The following EML1 variants were observed in gnomAD, a reference collection of about 807,000 sequenced individuals.
EML1 encodes echinoderm microtubule-associated protein-like 1.
In EML1, 27 loss-of-function variants were observed where a neutral mutation model predicts 110.4. The observed-to-expected ratio is 0.24, with a 90% CI of 0.18 to 0.34. The LOEUF (loss-of-function observed/expected upper bound fraction) is 0.34. EML1 is among the 10% of genes least tolerant of loss of function. The probability of loss-of-function intolerance (pLI) is 1.00; values close to 1 mark genes in which losing one functional copy is unlikely to be tolerated. For missense variants in EML1, 741 were observed against 1,030.9 expected, an observed-to-expected ratio of 0.72 and a Z score of 3.85; for synonymous variants, 344 against 385.8, an observed-to-expected ratio of 0.89 and a Z score of 1.27.
chr14:99,882,396 A>G (rs1360984287), intron 4 of EML1, among the ~76,000 whole-genome samples: 2 of 152,226 alleles, frequency 1.3e-5, no homozygotes, highest in Non-Finnish European at 2.9e-5. Context: ...CCCCTTTTGT[A>G]AGTCTTAAGG....
At chr14:99,832,522 A>C (rs2058474973) in intron 1 of EML1, among the ~76,000 whole-genome samples, 1 of 152,190 alleles carries the variant, frequency 6.6e-6, no homozygotes, top group South Asian at 2.1e-4. Flanking sequence ...ATGCTCACCA[A>C]AACTTGGTGT....
chr14:99,746,826 G>C (rs193013055), intron 1 of EML1, among the ~76,000 whole-genome samples: 1 of 152,116 alleles, frequency 6.6e-6, no homozygotes, highest in African/African-American at 2.4e-5. Flanking sequence ...CCCACCCCTC[G>C]AGCAGGGCTC....
intron 4 of EML1, among the ~76,000 whole-genome samples, chr14:99,887,798 G>A (rs1313254387): frequency 2.0e-5 from 3 of 152,194 alleles, no homozygotes; most frequent in Admixed American, 6.5e-5. Flanking sequence ...TACAGCTCCC[G>A]TCAACAGACT....
intron 1 of EML1, among the ~76,000 whole-genome samples, chr14:99,765,761 C>T (rs1240438429): frequency 5.9e-5 from 9 of 151,824 alleles, no homozygotes; most frequent in Non-Finnish European, 1.2e-4. Flanking sequence ...TGCACCACCA[C>T]GCCTGGCTAA....
chr14:99,939,866 G>A lies in EML1; in HGVS notation c.2323-121G>A. 7 of 1,283,480 alleles carry A rather than the reference G, an allele frequency of 5.5e-6. No homozygotes were observed. The highest frequency in any genetic ancestry group is 7.3e-6 in the Non-Finnish European group (7 of 960,256). 79.5% of individuals were successfully genotyped at this position (1,283,480 alleles called of 1,614,324 possible). On this transcript the variant is annotated intron_variant, in intron 21 of 21. Transcript: ENST00000262233. The surrounding 1 kb of genome is among the most constrained non-coding windows in gnomAD (Gnocchi z 4.2). ...ACACACAGAGCAGGTTCCCAAGTGA[G>A]AGCTGCCGAGCGGAGGGCGAGTAAA...
At position 99,850,980 on chromosome 14, in the gene EML1, G is replaced by C; in HGVS notation, c.195G>C (p.Arg65=). 1.2e-6 allele frequency: 2 copies of C among 1,614,160 alleles called. No individual in the cohort carries two copies. The highest frequency in any genetic ancestry group is 1.7e-6 in the Non-Finnish European group (2 of 1,180,024). ...CAGCTCTAGCTGATGTGGTTCGGCGGCTGAACATTACTGAGGAACAGCAGG... is the reference window on the plus strand; with the variant it reads ...CAGCTCTAGCTGATGTGGTTCGGCGCCTGAACATTACTGAGGAACAGCAGG... ...LKSALADVVR[R]LNITEEQQAV... The change falls in exon 2 of 22, where the codon CGG becomes CGC. Residue 65 remains arginine (R), a synonymous_variant. Coordinates refer to ENST00000262233, the MANE Select transcript of EML1 (RefSeq NM_004434.3).
chr14:99,871,517 G>GAA (rs78957951), intron 3 of EML1, among the ~76,000 whole-genome samples: 2 of 125,594 alleles, frequency 1.6e-5, no homozygotes, highest in South Asian at 2.5e-4. Flanking sequence ...TGTCTCAAAG[G>GAA]AAAAAAAAAA....
At chr14:99,895,672 GATAGAAAA>G (rs1283176997) in intron 6 of EML1, among the ~76,000 whole-genome samples, 4 of 151,662 alleles carry the variant, frequency 2.6e-5, no homozygotes, top group Non-Finnish European at 2.9e-5. Flanking sequence ...CTGAAGGGAT[GATAGAAAA>G]ATATGAATAC....
rs965062958 is a variant in EML1, at chr14:99,746,434, G to A, written c.28+8574G>A. On this transcript the variant is annotated intron_variant, in intron 1 of 10. Transcript: ENST00000554479. Reference sequence around the variant, plus strand: ...AGCCTGGATGGAGGCTTGGCCCTGAGCCCAGCTATGTGGCGGAAGCACTAG... The same window carrying A: ...AGCCTGGATGGAGGCTTGGCCCTGAACCCAGCTATGTGGCGGAAGCACTAG... 3.3e-5 allele frequency among the ~76,000 whole-genome samples: 5 copies of A among 152,322 alleles called. 1 individual carries two copies. In the South Asian group the frequency reaches 1.0e-3, roughly 32 times the overall value.
intron 14 of EML1, 63 bp from the exon 15 acceptor site, chr14:99,914,503 T>C: frequency 6.5e-7 from 1 of 1,548,840 alleles, no homozygotes; most frequent in Non-Finnish European, 8.7e-7. Context: ...CGTCATCCCT[T>C]ACGGCTCCTG....
intron 1 of EML1, among the ~76,000 whole-genome samples, chr14:99,744,213 A>G (rs763803986): frequency 2.6e-5 from 4 of 152,110 alleles, no homozygotes; most frequent in Admixed American, 2.6e-4. Flanking sequence ...CAATACCACA[A>G]AGGTACACTT....
intron 5 of EML1, among the ~76,000 whole-genome samples, chr14:99,893,415 G>A (rs2059620681): frequency 6.6e-6 from 1 of 152,158 alleles, no homozygotes; most frequent in African/African-American, 2.4e-5. Flanking sequence ...GGGACGCAGT[G>A]GCTGGCACAC....
intron 16 of EML1, among the ~76,000 whole-genome samples, chr14:99,920,062 T>C (rs1436240725): frequency 6.6e-6 from 1 of 152,058 alleles, no homozygotes; most frequent in African/African-American, 2.4e-5. Flanking sequence ...GAGAGTTCAG[T>C]CATTCTGATG....
At chr14:99,847,681 T>C (rs1277677095) in intron 1 of EML1, among the ~76,000 whole-genome samples, 1 of 152,240 alleles carries the variant, frequency 6.6e-6, no homozygotes, top group African/African-American at 2.4e-5. Flanking sequence ...TTGCTTCATG[T>C]ATTTTAAAGC....
At chr14:99,836,698 T>G (rs1336907172) in intron 1 of EML1, among the ~76,000 whole-genome samples, 1 of 152,234 alleles carries the variant, frequency 6.6e-6, no homozygotes, top group African/African-American at 2.4e-5. Flanking sequence ...CCAGTTGTTT[T>G]TTCGTGGAGG....
At chr14:99,787,451 G>T (rs2057613832) in intron 1 of EML1, among the ~76,000 whole-genome samples, 2 of 151,730 alleles carry the variant, frequency 1.3e-5, no homozygotes, top group African/African-American at 2.4e-5. Flanking sequence ...TCTAATTTTT[G>T]TATTTTTAGT....
intron 3 of EML1, among the ~76,000 whole-genome samples, chr14:99,866,200 T>TG (rs2139886671): frequency 6.6e-6 from 1 of 152,370 alleles, no homozygotes; most frequent in East Asian, 1.9e-4. Flanking sequence ...CCCAGCACTT[T>TG]GGGAGGCCAA....
intron 1 of EML1, among the ~76,000 whole-genome samples, chr14:99,841,365 T>C (rs2058629729): frequency 6.6e-6 from 1 of 152,234 alleles, no homozygotes; most frequent in African/African-American, 2.4e-5. Context: ...CAAGTACCAT[T>C]TGTGTTGAGT....
chr14:99,793,482 G>T lies in EML1; in HGVS notation c.6G>T (p.Glu2Asp). The T allele has an allele frequency of 9.5e-7, 1 of 1,053,914 alleles. No homozygotes were observed. The allele number at this position is 1,053,914 out of a possible 1,614,324, so 65.3% of individuals were successfully genotyped here. Residue 2 changes from glutamate (E) to aspartate (D), a missense_variant, in exon 1 of 22, where the codon GAG (glutamate) becomes GAT (aspartate). Coordinates refer to ENST00000262233, the MANE Select transcript of EML1 (RefSeq NM_004434.3). ...CGCGGCCCGGCGGCCTCAGCATGGA[G>T]GACGGCTTCTCCAGCTACAGCAGCC... M[E>D]DGFSSYSSLY...
Sources: allele counts gnomAD v4.1 joint callset (sites outside exome capture counted in the v4.1 genomes callset), GRCh38; gene constraint gnomAD v4.1.1; non-coding constraint Gnocchi (gnomAD v3.1); transcripts MANE v1.5; gene names NCBI Gene and HGNC (gene_info 2026-07-23, HGNC 2026-07-21).